MYO1C: variants seen among roughly 807,000 people sequenced by gnomAD.
The protein encoded by MYO1C is unconventional myosin-Ic.
MYO1C carries 104 observed loss-of-function variants against 150.8 expected under a neutral mutation model. That is an observed-to-expected ratio of 0.69 (90% confidence interval 0.59 to 0.81). The LOEUF (loss-of-function observed/expected upper bound fraction) is 0.81, where lower values mean the gene tolerates loss of function less well. MYO1C is among the 30% of genes least tolerant of loss of function. The pLI is 0.00. For missense variants in MYO1C, 1,504 were observed against 1,435.0 expected, an observed-to-expected ratio of 1.05 and a Z score of -0.78; for synonymous variants, 663 against 579.9, an observed-to-expected ratio of 1.14 and a Z score of -2.06.
chr17:1,467,168 G>T lies in MYO1C; in HGVS notation c.3165+74C>A, dbSNP rs1342519367. 4 of 1,411,454 alleles carry T rather than the reference G, an allele frequency of 2.8e-6. No individual in the cohort carries two copies. In the African/African-American group the frequency reaches 5.7e-5, roughly 20 times the overall value. The allele number at this position is 1,411,454 out of a possible 1,614,324, so 87.4% of individuals were successfully genotyped here. A position where few individuals can be genotyped will look rare whatever the true frequency, so the allele number is the denominator to read the frequency against. On this transcript the variant is annotated intron_variant, in intron 31 of 31. Coordinates refer to ENST00000648651, the MANE Select transcript of MYO1C (RefSeq NM_001080779.2). ...TGAAGGCCCATGGTGAGGTGCCTGGGCTCTGCCAAGCACAGCCAAGGAAGG... is the reference window on the plus strand; with the variant it reads ...TGAAGGCCCATGGTGAGGTGCCTGGTCTCTGCCAAGCACAGCCAAGGAAGG...
chr17:1,467,387 C>CCAA, intron 30 of MYO1C, 46 bp from the exon 31 acceptor site: 2 of 1,597,962 alleles, frequency 1.3e-6, no homozygotes, highest in African/African-American at 1.3e-5. Flanking sequence ...AGGCAGACCC[C>CCAA]CAACCCTAAG....
chr17:1,474,718 G>A (rs1314129924), intron 16 of MYO1C, 28 bp from the exon 17 acceptor site: 1 of 1,613,682 alleles, frequency 6.2e-7, no homozygotes, highest in South Asian at 1.1e-5. Context: ...GGGTCAGGGT[G>A]GGGCACAGGG....
At position 1,472,444 on chromosome 17, in the gene MYO1C, C is replaced by G. The variant is rs80131653; in HGVS notation, c.1798-216G>C. On this transcript the variant is annotated intron_variant, in intron 17 of 31. Transcript: ENST00000648651. Reference sequence around the variant, plus strand: ...GGGCGAGAGACCTCAGTCTACGAGCCTCACTCCAGCCTAAAACTCCTGCTC... The same window carrying G: ...GGGCGAGAGACCTCAGTCTACGAGCGTCACTCCAGCCTAAAACTCCTGCTC... The G allele has an allele frequency of 4.2e-3, 2,397 of 576,404 alleles. 54 individuals are homozygous for G. The highest frequency in any genetic ancestry group is 0.04 in the African/African-American group (2,132 of 53,562). 35.7% of individuals were successfully genotyped at this position (576,404 alleles called of 1,614,324 possible).
chr17:1,489,186 C>G (rs756702215), intron 1 of MYO1C, among the ~76,000 whole-genome samples: 4 of 152,228 alleles, frequency 2.6e-5, no homozygotes, highest in Non-Finnish European at 4.4e-5. Context: ...AATCTTAGAT[C>G]TGGGCCTGGC....
intron 1 of MYO1C, among the ~76,000 whole-genome samples, chr17:1,489,264 G>A (rs937212319): frequency 6.6e-6 from 1 of 152,196 alleles, no homozygotes; most frequent in Non-Finnish European, 1.5e-5. Context: ...AGATAGTGGC[G>A]ACTTAGGGTC....
At chr17:1,477,624 C>T (rs368178945) in intron 13 of MYO1C, 28 bp from the exon 14 acceptor site, 41 of 1,558,022 alleles carry the variant, frequency 2.6e-5, no homozygotes, top group Admixed American at 1.2e-4. Context: ...GGGGGAAGGA[C>T]GTATGGGGGA....
intron 24 of MYO1C, among the ~76,000 whole-genome samples, chr17:1,469,922 C>G (rs1056812452): frequency 3.3e-5 from 5 of 152,084 alleles, no homozygotes; most frequent in African/African-American, 1.2e-4. Context: ...GTAGTCCCAG[C>G]TACTCAGGAG....
rs1422799370 is a variant in MYO1C at position 1,484,418 on chromosome 17, CA to C, written c.76-116del. ...AGGGGCTTGTGGACTCCGGGCTAGA[CA>C]CGGGACATGAGCATGACGGGTGCGG... On this transcript the variant is annotated intron_variant, in intron 1 of 31. Coordinates refer to ENST00000648651, the MANE Select transcript of MYO1C (RefSeq NM_001080779.2). 6 of 1,297,394 alleles carry C rather than the reference CA, an allele frequency of 4.6e-6. No individual in the cohort carries two copies. In the African/African-American group the frequency reaches 5.9e-5, roughly 13 times the overall value. The allele number at this position is 1,297,394 out of a possible 1,614,324, so 80.4% of individuals were successfully genotyped here. A position where few individuals can be genotyped will look rare whatever the true frequency, so the allele number is the denominator to read the frequency against.
chr17:1,471,557 C>T (rs987668435), intron 19 of MYO1C, among the ~76,000 whole-genome samples: 2 of 152,200 alleles, frequency 1.3e-5, no homozygotes, highest in African/African-American at 4.8e-5. Flanking sequence ...CAGTTTGACC[C>T]CCCAGGCCCC....
chr17:1,478,517 C>A lies in MYO1C; in HGVS notation c.1213-25G>T. 2 of 1,613,916 alleles carry A rather than the reference C, an allele frequency of 1.2e-6. No homozygotes were observed. The highest frequency in any genetic ancestry group is 1.7e-6 in the Non-Finnish European group (2 of 1,179,954). ...CCTAGGGCAGTCATTCAACCGAAGG[C>A]GTGGGCCCCCTGCGCGTGCCAGCCC... On this transcript the variant is annotated intron_variant, in intron 10 of 31. Transcript: ENST00000648651. This position sits in a 1 kb window ranked among gnomAD's most constrained non-coding sequence, Gnocchi z 6.3.
intron 1 of MYO1C, 99 bp downstream of exon 1, chr17:1,492,314 C>G: frequency 8.1e-7 from 1 of 1,234,376 alleles, no homozygotes; most frequent in Non-Finnish European, 1.2e-6. Context: ...GAACCCCTCC[C>G]CGCTGCTCAG....
chr17:1,488,735 TGTGGGCTTTAGGA>T lies in MYO1C; in HGVS notation c.75+3665_75+3677del, dbSNP rs2074696563. The stretch of plus-strand genomic sequence containing the variant: ...TGTCGTGTGATTCTATTATGTCACA[TGTGGGCTTTAGGA>T]GTGGGCCAGGGCCTTTGGCTCTGGG... On this transcript the variant is annotated intron_variant, in intron 1 of 31. Transcript: ENST00000648651. 2.0e-5 allele frequency among the ~76,000 whole-genome samples: 3 copies of T among 152,298 alleles called. No individual in the cohort carries two copies. The South Asian group carries it at 6.2e-4, about 32-fold the overall frequency.
At chr17:1,491,540 G>A in intron 1 of MYO1C, 1 of 810,336 alleles carries the variant, frequency 1.2e-6, no homozygotes, top group Non-Finnish European at 1.5e-6. Context: ...CTCCCGGCCC[G>A]GCCGCCCGCT....
Position 1,479,544 on chromosome 17 carries a change from G to GCCCCCCCCCCCCCCCGCC in MYO1C, c.1021-43_1021-42insGGCGGGGGGGGGGGGGGG. The GCCCCCCCCCCCCCCCGCC allele has an allele frequency of 8.5e-7, 1 of 1,175,170 alleles. No individual in the cohort carries two copies. Among genetic ancestry groups the GCCCCCCCCCCCCCCCGCC allele is most frequent in the Non-Finnish European group, 1.2e-6 (1 of 804,194 alleles). 72.8% of individuals were successfully genotyped at this position (1,175,170 alleles called of 1,614,324 possible). A position where few individuals can be genotyped will look rare whatever the true frequency, so the allele number is the denominator to read the frequency against. ...AGGACACGGTGAGGGTGCACCCCCA[G>GCCCCCCCCCCCCCCCGCC]CCCCCGCCCCCGCCGTCCTCCCGTC... On this transcript the variant is annotated intron_variant, in intron 8 of 31. Coordinates refer to ENST00000648651, the MANE Select transcript of MYO1C (RefSeq NM_001080779.2). The surrounding 1 kb of genome is among the most constrained non-coding windows in gnomAD (Gnocchi z 4.2).
chr17:1,478,532 CGT>C lies in MYO1C; in HGVS notation c.1213-42_1213-41del. Reference sequence around the variant, plus strand: ...CAACCGAAGGCGTGGGCCCCCTGCGCGTGCCAGCCCCACCCTGCAGCACCCCC... The same window carrying C: ...CAACCGAAGGCGTGGGCCCCCTGCGCGCCAGCCCCACCCTGCAGCACCCCC... On this transcript the variant is annotated intron_variant, in intron 10 of 31. Coordinates refer to ENST00000648651, the MANE Select transcript of MYO1C (RefSeq NM_001080779.2). The surrounding 1 kb of genome is among the most constrained non-coding windows in gnomAD (Gnocchi z 6.3). 1 of 1,613,744 alleles carries C rather than the reference CGT, an allele frequency of 6.2e-7. No homozygotes were observed. The highest frequency in any genetic ancestry group is 8.5e-7 in the Non-Finnish European group (1 of 1,179,874).
At position 1,477,591 on chromosome 17, in the gene MYO1C, C is replaced by G; in HGVS notation, c.1488G>C (p.Glu496Asp). The change falls in exon 14 of 32, where the codon GAG (glutamate) becomes GAC (aspartate). Residue 496 changes from glutamate to aspartate, a missense_variant. By Grantham distance (45) the Glu-to-Asp change is conservative (BLOSUM62 2). Transcript: ENST00000648651. ...TGGCCTCCCCGGGGCGCAGACACTC[C>G]TCATCCTGGGGGGTGTGGCACAGGG... ...KFKGIISILD[E>D]ECLRPGEATD... The G allele has an allele frequency of 6.2e-7, 1 of 1,613,302 alleles. No individual in the cohort carries two copies. The highest frequency in any genetic ancestry group is 8.5e-7 in the Non-Finnish European group (1 of 1,179,888).
In MYO1C at chr17:1,467,250, G is replaced by A. The variant is rs377070893; in HGVS notation, c.3157C>T (p.Leu1053=). 45 of 1,612,384 alleles carry A rather than the reference G, an allele frequency of 2.8e-5. No homozygotes were observed. The East Asian group carries it at 6.0e-4, about 22-fold the overall frequency. ...AAGCAGGCCCCACTCACCACAGCCA[G>A]GTGCCCGTTCTTGGCCTTGGTGATG... ...LLITKAKNGH[L]AVVAPRLNSR is the part of the protein sequence containing the mutation. The change falls in exon 31 of 32, where the codon CTG becomes TTG. Residue 1053 remains leucine, a synonymous_variant. Transcript: ENST00000648651.
Position 1,468,433 on chromosome 17 carries a change from C to A in MYO1C, c.2674G>T (p.Val892Leu), listed in dbSNP as rs142277831. ...KGKKDNYPQS[V>L]PRLFISTRLG... ...CGAGTGCTGATGAAGAGCCTGGGTA[C>A]ACTCTGAGGGTAATTATCCTTCTTG... is the stretch of plus-strand genomic sequence containing the variant. The change falls in exon 26 of 32, where the codon GTA (valine) becomes TTA (leucine). Residue 892 changes from valine (V) to leucine (L), a missense_variant. Val to Leu is a conservative substitution (Grantham distance 32, BLOSUM62 1). Coordinates refer to ENST00000648651, the MANE Select transcript of MYO1C (RefSeq NM_001080779.2). The A allele has an allele frequency of 1.2e-6, 2 of 1,614,074 alleles. No homozygotes were observed. Among genetic ancestry groups the A allele is most frequent in the Non-Finnish European group, 1.7e-6 (2 of 1,179,978 alleles).
At chr17:1,485,270 G>A (rs1265867255) in intron 1 of MYO1C, 9 of 1,156,556 alleles carry the variant, frequency 7.8e-6, no homozygotes, top group Admixed American at 8.7e-5. Flanking sequence ...AGAGTATCCA[G>A]GGTCAGAGAA....
Sources: gnomAD v4.1 joint callset for allele counts (sites outside exome capture counted in the v4.1 genomes callset) on GRCh38, gnomAD v4.1.1 for gene constraint, Gnocchi (gnomAD v3.1) non-coding constraint, MANE v1.5 for transcripts, NCBI Gene and HGNC (gene_info 2026-07-23, HGNC 2026-07-21) for gene names.